The following ROBO1 variants were observed in gnomAD, a reference collection of about 807,000 sequenced individuals.
ROBO1 encodes the protein roundabout guidance receptor 1, also known as roundabout homolog 1.
A neutral mutation model predicts 195.9 loss-of-function variants in ROBO1; 149 were observed. The ratio of observed to expected loss-of-function variants is 0.76; its 90% CI spans 0.67 to 0.87. The LOEUF is 0.87. Ranked by LOEUF, ROBO1 falls within the 40% of genes least tolerant of loss-of-function variation. The pLI, the probability that ROBO1 is intolerant of heterozygous loss-of-function variation, is 0.00. For missense variants in ROBO1, 1,933 were observed against 2,068.3 expected, an observed-to-expected ratio of 0.93 and a Z score of 1.27; for synonymous variants, 816 against 733.2, an observed-to-expected ratio of 1.11 and a Z score of -1.82.
chr3:79,557,319 A>G (rs1187748391), intron 2 of ROBO1, among the ~76,000 whole-genome samples: 1 of 152,212 alleles, frequency 6.6e-6, no homozygotes, highest in East Asian at 1.9e-4. Flanking sequence ...CCGTGTAAAT[A>G]CAGAGAAAAT....
intron 4 of ROBO1, among the ~76,000 whole-genome samples, chr3:78,783,148 G>A (rs182915509): frequency 2.6e-5 from 4 of 152,188 alleles, no homozygotes; most frequent in Admixed American, 1.3e-4. Context: ...TGGATATATT[G>A]CAAGTGGTGA....
chr3:79,300,588 A>C (rs1418641091), intron 2 of ROBO1, among the ~76,000 whole-genome samples: 1 of 152,118 alleles, frequency 6.6e-6, no homozygotes, highest in Non-Finnish European at 1.5e-5. Context: ...CGACCACCCA[A>C]GGGCTGGGGC....
chr3:79,373,942 G>A (rs970924641), intron 2 of ROBO1, among the ~76,000 whole-genome samples: 2 of 152,200 alleles, frequency 1.3e-5, no homozygotes, highest in African/African-American at 4.8e-5. Context: ...CATGCATCTG[G>A]GGTTTTAATT....
At chr3:79,029,886 C>T (rs1366017757) in intron 3 of ROBO1, among the ~76,000 whole-genome samples, 1 of 152,166 alleles carries the variant, frequency 6.6e-6, no homozygotes, top group Non-Finnish European at 1.5e-5. Context: ...AAATATATCT[C>T]TTAAGCCTGT....
At chr3:79,316,287 C>G (rs889597954) in intron 2 of ROBO1, among the ~76,000 whole-genome samples, 1 of 152,120 alleles carries the variant, frequency 6.6e-6, no homozygotes, top group African/African-American at 2.4e-5. Context: ...AAATGTACCA[C>G]TCTTTTAAGG....
intron 1 of ROBO1, among the ~76,000 whole-genome samples, chr3:79,620,788 C>A (rs1282823878): frequency 6.6e-6 from 1 of 151,988 alleles, no homozygotes; most frequent in Non-Finnish European, 1.5e-5. Context: ...TTACCCCACT[C>A]AACACCAATA....
intron 3 of ROBO1, among the ~76,000 whole-genome samples, chr3:78,941,415 T>C (rs1432482736): frequency 2.0e-5 from 3 of 152,230 alleles, no homozygotes; most frequent in Admixed American, 6.5e-5. Context: ...TATTGTAATA[T>C]GTTCTTGGCC....
intron 3 of ROBO1, among the ~76,000 whole-genome samples, chr3:78,945,707 G>A (rs937576305): frequency 1.1e-4 from 16 of 152,184 alleles, no homozygotes; most frequent in South Asian, 2.1e-4. Context: ...GGCTTCAGAC[G>A]ATCAAACTAC....
chr3:79,709,991 T>A (rs1316011183), intron 1 of ROBO1, among the ~76,000 whole-genome samples: 1 of 152,142 alleles, frequency 6.6e-6, no homozygotes, highest in African/African-American at 2.4e-5. Flanking sequence ...GAAATAAATT[T>A]CTGTTGTTTA....
At position 78,717,884 on chromosome 3, in the gene ROBO1, C is replaced by A; in HGVS notation, c.658-1G>T. ...TGATCATGAGCTTTCCTCCTCGTAT[C>A]TTAAAAAAAAAGTTTCACAGGAATA... On this transcript the variant is annotated splice_acceptor_variant, in intron 5 of 30. Coordinates refer to ENST00000464233, the MANE Select transcript of ROBO1 (RefSeq NM_002941.4). LOFTEE classifies it high-confidence loss of function. 1 of 1,611,226 alleles carries A rather than the reference C, an allele frequency of 6.2e-7. No homozygotes were observed. The highest frequency in any genetic ancestry group is 8.5e-7 in the Non-Finnish European group (1 of 1,178,918).
In ROBO1 at chr3:78,709,955, T is replaced by C. The variant is rs1056038249; in HGVS notation, c.1045+4442A>G. On this transcript the variant is annotated intron_variant, in intron 8 of 30. Coordinates refer to ENST00000464233, the MANE Select transcript of ROBO1 (RefSeq NM_002941.4). ...ATTCATTTTTCTTCCAAAATGGTCATAAATTTCAATAATTTATCTACTTAT... is the reference window on the plus strand; with the variant it reads ...ATTCATTTTTCTTCCAAAATGGTCACAAATTTCAATAATTTATCTACTTAT... Among the ~76,000 whole-genome samples the C allele has an allele frequency of 2.0e-5, 3 of 152,372 alleles. 1 individual carries two copies. The highest frequency in any genetic ancestry group is 4.1e-4 in the South Asian group (2 of 4,834).
chr3:79,013,133 A>G (rs908261311), intron 3 of ROBO1, among the ~76,000 whole-genome samples: 1 of 151,944 alleles, frequency 6.6e-6, no homozygotes, highest in Non-Finnish European at 1.5e-5. Flanking sequence ...ACCAGCCCAT[A>G]CTCAACCCAG....
intron 2 of ROBO1, among the ~76,000 whole-genome samples, chr3:79,189,131 C>T (rs1274533004): frequency 6.6e-6 from 1 of 151,688 alleles, no homozygotes; most frequent in Non-Finnish European, 1.5e-5. Flanking sequence ...CTGGAATACA[C>T]TAAGTAATTC....
At chr3:79,710,585 T>C (rs187093678) in intron 1 of ROBO1, among the ~76,000 whole-genome samples, 1 of 152,238 alleles carries the variant, frequency 6.6e-6, no homozygotes, top group East Asian at 1.9e-4. Flanking sequence ...AAATGAAGGT[T>C]ATGACCCTGA....
At chr3:79,194,889 TG>T (rs2081605955) in intron 2 of ROBO1, among the ~76,000 whole-genome samples, 1 of 151,524 alleles carries the variant, frequency 6.6e-6, no homozygotes, top group Non-Finnish European at 1.5e-5. Flanking sequence ...CAATAATAAG[TG>T]GGTTTAATAT....
intron 4 of ROBO1, among the ~76,000 whole-genome samples, chr3:78,890,708 G>A (rs776080180): frequency 6.5e-4 from 99 of 152,208 alleles, no homozygotes; most frequent in Middle Eastern, 6.8e-3. Context: ...AGATGGTTAT[G>A]TTCCTGTGCA....
intron 3 of ROBO1, among the ~76,000 whole-genome samples, chr3:79,093,794 A>G (rs2079519799): frequency 6.6e-6 from 1 of 152,034 alleles, no homozygotes; most frequent in African/African-American, 2.4e-5. Flanking sequence ...TGCTCCCCAG[A>G]TGAACTCAAT....
At chr3:79,658,262 G>A (rs760524547) in intron 1 of ROBO1, among the ~76,000 whole-genome samples, 1 of 152,044 alleles carries the variant, frequency 6.6e-6, no homozygotes, top group Non-Finnish European at 1.5e-5. Flanking sequence ...CATTTTGAAG[G>A]AATAATTTTT....
chr3:79,507,555 C>G (rs1189631393), intron 2 of ROBO1, among the ~76,000 whole-genome samples: 1 of 152,012 alleles, frequency 6.6e-6, no homozygotes, highest in Non-Finnish European at 1.5e-5. Flanking sequence ...GGTGGTCCTT[C>G]TATGCACTTT....
Sources: allele counts gnomAD v4.1 joint callset (sites outside exome capture counted in the v4.1 genomes callset), GRCh38; gene constraint gnomAD v4.1.1; transcripts MANE v1.5; gene names NCBI Gene and HGNC (gene_info 2026-07-23, HGNC 2026-07-21).